The following TOX variants were observed in gnomAD, a reference collection of about 807,000 sequenced individuals.
TOX encodes the protein thymocyte selection associated high mobility group box, also known as thymocyte selection-associated high mobility group box protein TOX.
A neutral mutation model predicts 53.7 loss-of-function variants in TOX; 11 were observed. The observed-to-expected ratio is 0.20, with a 90% CI of 0.13 to 0.34. TOX has a LOEUF of 0.34. Among genes scored for constraint, TOX ranks in the 10% least tolerant of loss-of-function variants. TOX has a pLI of 1.00. For missense variants in TOX, 570 were observed against 664.6 expected (o/e 0.86, Z 1.56); for synonymous variants, 225 against 245.3 (o/e 0.92, Z 0.77).
intron 1 of TOX, among the ~76,000 whole-genome samples, chr8:58,999,868 T>C (rs1038312925): frequency 6.6e-6 from 1 of 152,324 alleles, no homozygotes; most frequent in East Asian, 1.9e-4. Context: ...GTATTTTGTA[T>C]GATCCACATA....
chr8:59,115,950 T>C (rs1362583840), intron 1 of TOX, among the ~76,000 whole-genome samples: 1 of 152,000 alleles, frequency 6.6e-6, no homozygotes, highest in African/African-American at 2.4e-5. Flanking sequence ...AAAATGTAAG[T>C]AGCATTTTGG....
chr8:58,838,004 C>T (rs1810575405), intron 5 of TOX, 77 bp downstream of exon 5: 5 of 1,400,630 alleles, frequency 3.6e-6, no homozygotes, highest in Non-Finnish European at 4.9e-6. Context: ...GAATTTACCC[C>T]AAGCCCTGGG....
intron 7 of TOX, chr8:58,814,440 G>A (rs1016428752): frequency 2.0e-5 from 3 of 152,132 alleles, no homozygotes; most frequent in African/African-American, 7.2e-5. Context: ...AAGATTGCCA[G>A]TGTCAATTAT....
chr8:58,953,969 CAAAT>C (rs1812668857), intron 2 of TOX, among the ~76,000 whole-genome samples: 1 of 151,768 alleles, frequency 6.6e-6, no homozygotes, highest in African/African-American at 2.4e-5. Context: ...TGAAATTAAA[CAAAT>C]AGAGAGTCAT....
chr8:58,922,237 T>C (rs959644850), intron 3 of TOX, among the ~76,000 whole-genome samples: 2 of 152,228 alleles, frequency 1.3e-5, no homozygotes, highest in African/African-American at 2.4e-5. Flanking sequence ...GTGTGCTTTA[T>C]GAATTTTACA....
chr8:58,815,464 C>A lies in TOX; in HGVS notation c.1266G>T (p.Gln422His), dbSNP rs202027801. The A allele has an allele frequency of 6.2e-7, 1 of 1,613,944 alleles. No individual in the cohort carries two copies. The highest frequency in any genetic ancestry group is 8.5e-7 in the Non-Finnish European group (1 of 1,179,976). The change falls in exon 7 of 9, where the codon CAG (glutamine) becomes CAT (histidine). Residue 422 changes from glutamine to histidine, a missense_variant. Physicochemically the swap from Gln to His is conservative, Grantham distance 24 (BLOSUM62 0). Transcript: ENST00000361421. Reference sequence around the variant, plus strand: ...GATGCTGGTGAAGAGGCGGGCTGATCTGGAGGGGAGGAGGAGGGGACACAG... The same window carrying A: ...GATGCTGGTGAAGAGGCGGGCTGATATGGAGGGGAGGAGGAGGGGACACAG... ...NMAVSPPPPL[Q>H]ISPPLHQHLN...
chr8:59,021,499 T>TATATATATATATATATATATATACACAC (rs1554539851), intron 1 of TOX, among the ~76,000 whole-genome samples: 2 of 109,624 alleles, frequency 1.8e-5, no homozygotes, highest in Non-Finnish European at 4.0e-5. Context: ...TATATATATA[T>TATATATATATATATATATATATACACAC]GCACATATAT....
At chr8:59,115,298 C>G (rs191235494) in intron 1 of TOX, among the ~76,000 whole-genome samples, 1 of 152,254 alleles carries the variant, frequency 6.6e-6, no homozygotes, top group East Asian at 1.9e-4. Context: ...AATAACTGAA[C>G]ACATCACATC....
At chr8:59,003,545 GA>G (rs1813734115) in intron 1 of TOX, among the ~76,000 whole-genome samples, 1 of 152,190 alleles carries the variant, frequency 6.6e-6, no homozygotes, top group Non-Finnish European at 1.5e-5. Context: ...AACAGTGAAA[GA>G]CGGGGGGAAA....
Position 58,851,769 on chromosome 8 carries a change from T to C in TOX, c.448A>G (p.Ser150Gly), listed in dbSNP as rs1304393785. ...DIRNPEGTQY[S>G]SHPQMAAMRP... ...ATGGCTGCCATCTGAGGATGGGAAC[T>C]GTACTGAGTTCCTTCTGGGTTTCGT... is the stretch of plus-strand genomic sequence containing the variant. Residue 150 changes from serine to glycine, a missense_variant, in exon 4 of 9, where the codon AGT (serine) becomes GGT (glycine). Ser to Gly is a moderately conservative substitution (Grantham distance 56). This residue lies in a region of TOX where 282 missense variants were observed against 315.0 expected (regional missense o/e 0.90). Coordinates refer to ENST00000361421, the MANE Select transcript of TOX (RefSeq NM_014729.3). The surrounding 1 kb of genome is among the most constrained non-coding windows in gnomAD (Gnocchi z 4.4). 2 of 1,606,256 alleles carry C rather than the reference T, an allele frequency of 1.2e-6. No homozygotes were observed. The highest frequency in any genetic ancestry group is 1.7e-6 in the Non-Finnish European group (2 of 1,175,626).
At chr8:58,942,849 TAA>T (rs921822521) in intron 2 of TOX, among the ~76,000 whole-genome samples, 2 of 152,144 alleles carry the variant, frequency 1.3e-5, no homozygotes, top group Non-Finnish European at 2.9e-5. Context: ...ATCCAATTGT[TAA>T]AAAGAGACTG....
chr8:58,998,601 T>TTA lies in TOX; in HGVS notation c.103-38595_103-38594dup, dbSNP rs199962273. On this transcript the variant is annotated intron_variant, in intron 1 of 8. Coordinates refer to ENST00000361421, the MANE Select transcript of TOX (RefSeq NM_014729.3). ...TATAATAAATTTATATGTAATAAAT[T>TTA]TATGTAATAAATTTATATAATAATA... Among the ~76,000 whole-genome samples, 102 of 95,064 alleles carry TTA rather than the reference T, an allele frequency of 1.1e-3. 2 individuals carry two copies. The highest frequency in any genetic ancestry group is 3.5e-3 in the South Asian group (10 of 2,882). The allele number at this position is 95,064 out of a possible 152,430, so 62.4% of individuals were successfully genotyped here. A position where few individuals can be genotyped will look rare whatever the true frequency, so the allele number is the denominator to read the frequency against.
At chr8:59,075,864 G>GC (rs1234841855) in intron 1 of TOX, among the ~76,000 whole-genome samples, 1 of 152,096 alleles carries the variant, frequency 6.6e-6, no homozygotes, top group Non-Finnish European at 1.5e-5. Flanking sequence ...AATTAGCCAG[G>GC]CGTGGTGGTG....
At chr8:58,991,018 T>C (rs1419563386) in intron 1 of TOX, among the ~76,000 whole-genome samples, 3 of 152,190 alleles carry the variant, frequency 2.0e-5, no homozygotes, top group Non-Finnish European at 4.4e-5. Context: ...TGTTAATTAA[T>C]CCTCGTAAGC....
intron 3 of TOX, among the ~76,000 whole-genome samples, chr8:58,904,051 T>C (rs1389473602): frequency 6.6e-6 from 1 of 152,184 alleles, no homozygotes; most frequent in African/African-American, 2.4e-5. Context: ...AGATTAGATG[T>C]TTAGAAAATG....
At chr8:58,975,653 A>G (rs1379692568) in intron 1 of TOX, among the ~76,000 whole-genome samples, 1 of 152,200 alleles carries the variant, frequency 6.6e-6, no homozygotes, top group Non-Finnish European at 1.5e-5. Flanking sequence ...AAATGCTAAT[A>G]ATCACCTGAG....
chr8:58,915,236 A>C (rs1585898671), intron 3 of TOX, among the ~76,000 whole-genome samples: 1 of 148,426 alleles, frequency 6.7e-6, no homozygotes, highest in East Asian at 2.0e-4. Context: ...TGTAGGCTCC[A>C]CCTCTGGGGG....
intron 3 of TOX, among the ~76,000 whole-genome samples, chr8:58,858,648 C>G (rs548128928): frequency 6.6e-6 from 1 of 152,236 alleles, no homozygotes; most frequent in Admixed American, 6.5e-5. Context: ...TCCATTTACC[C>G]CTGTCTGTCA....
At chr8:58,869,635 A>T (rs1811165337) in intron 3 of TOX, among the ~76,000 whole-genome samples, 1 of 152,152 alleles carries the variant, frequency 6.6e-6, no homozygotes, top group South Asian at 2.1e-4. Flanking sequence ...ACTCCTCAAC[A>T]AAATATTTAC....
Sources: gnomAD v4.1 joint callset for allele counts (sites outside exome capture counted in the v4.1 genomes callset) on GRCh38, gnomAD v4.1.1 for gene constraint, gnomAD v4.1.1 regional missense constraint, Gnocchi (gnomAD v3.1) non-coding constraint, MANE v1.5 for transcripts, NCBI Gene and HGNC (gene_info 2026-07-23, HGNC 2026-07-21) for gene names.